Variants in SCN2A observed in about 807,000 individuals in gnomAD.
SCN2A encodes sodium voltage-gated channel alpha subunit 2, also known as sodium channel protein type 2 subunit alpha.
In SCN2A, 20 loss-of-function variants were observed where a neutral mutation model predicts 188.7. The observed-to-expected ratio is 0.11, with a 90% confidence interval of 0.07 to 0.15. SCN2A has a LOEUF of 0.15. Among genes scored for constraint, SCN2A ranks in the 10% least tolerant of loss-of-function variants. The pLI is 1.00. For synonymous variants in SCN2A, 804 were observed against 833.1 expected, an observed-to-expected ratio of 0.97 and a Z score of 0.60; for missense variants, 1,278 against 2,445.0, an observed-to-expected ratio of 0.52 and a Z score of 10.07.
intron 23 of SCN2A, among the ~76,000 whole-genome samples, chr2:165,379,785 G>C (rs566694896): frequency 6.6e-6 from 1 of 151,656 alleles, no homozygotes; most frequent in South Asian, 2.1e-4. Flanking sequence ...TAACACAGTG[G>C]GTTATAACTT....
chr2:165,245,766 A>T (rs183618969), intron 1 of SCN2A, among the ~76,000 whole-genome samples: 1 of 152,326 alleles, frequency 6.6e-6, no homozygotes, highest in African/African-American at 2.4e-5. Flanking sequence ...GTAAACTGGG[A>T]TGCACAGTCA....
At chr2:165,283,311 G>A (rs558267069) in intron 1 of SCN2A, among the ~76,000 whole-genome samples, 16 of 152,330 alleles carry the variant, frequency 1.1e-4, no homozygotes, top group Non-Finnish European at 2.2e-4. Context: ...TTGGGAATAT[G>A]TGATAGGATC....
chr2:165,328,621 A>G (rs1698494256), intron 13 of SCN2A: 1 of 512,802 alleles, frequency 2.0e-6, no homozygotes, highest in East Asian at 1.5e-4. Flanking sequence ...AAAAACCTCA[A>G]ATATCCACAA....
intron 23 of SCN2A, among the ~76,000 whole-genome samples, chr2:165,379,525 G>A (rs1009313313): frequency 1.3e-5 from 2 of 151,644 alleles, no homozygotes; most frequent in African/African-American, 4.8e-5. Context: ...TTGTAGCAAT[G>A]TCCTGGGTTA....
At chr2:165,262,608 G>A (rs769872755) in intron 1 of SCN2A, among the ~76,000 whole-genome samples, 1 of 151,762 alleles carries the variant, frequency 6.6e-6, no homozygotes, top group Non-Finnish European at 1.5e-5. Context: ...AATTATATAT[G>A]TATATACACA....
intron 1 of SCN2A, among the ~76,000 whole-genome samples, chr2:165,258,624 A>G (rs1458355049): frequency 2.0e-5 from 3 of 152,250 alleles, no homozygotes; most frequent in Middle Eastern, 3.2e-3. Flanking sequence ...CCATAAAGAC[A>G]CATGCACACC....
Position 165,253,624 on chromosome 2 carries a change from GGCCCACAAA to G in SCN2A, c.-52+13988_-52+13996del, listed in dbSNP as rs1418469126. On this transcript the variant is annotated intron_variant, in intron 1 of 26. Coordinates refer to ENST00000375437, the MANE Select transcript of SCN2A (RefSeq NM_001040142.2). ...TGTATACTTGCAACAGAGACAATAT[GGCCCACAAA>G]GCCAAAATTATTTACTAAATCATCC... Among the ~76,000 whole-genome samples the G allele has an allele frequency of 1.3e-4, 19 of 151,952 alleles. No individual in the cohort carries two copies. In the South Asian group the frequency reaches 3.9e-3, roughly 32 times the overall value.
At chr2:165,326,418 A>T (rs568801979) in intron 12 of SCN2A, among the ~76,000 whole-genome samples, 2 of 152,342 alleles carry the variant, frequency 1.3e-5, no homozygotes, top group South Asian at 4.1e-4. Context: ...ACTGTTACTG[A>T]TGCATATGAA....
At chr2:165,262,785 C>G (rs1201818298) in intron 1 of SCN2A, among the ~76,000 whole-genome samples, 2 of 152,128 alleles carry the variant, frequency 1.3e-5, no homozygotes, top group Non-Finnish European at 2.9e-5. Context: ...ATTGCTGGAT[C>G]AAATGGTAAT....
At chr2:165,303,842 A>G (rs1157308237) in intron 3 of SCN2A, among the ~76,000 whole-genome samples, 4 of 152,202 alleles carry the variant, frequency 2.6e-5, no homozygotes, top group Admixed American at 2.0e-4. Context: ...AATGATAGCC[A>G]TGAAATAAGG....
Position 165,319,198 on chromosome 2 carries a change from G to A in SCN2A, c.1671+3440G>A, listed in dbSNP as rs189694630. On this transcript the variant is annotated intron_variant, in intron 11 of 26. Transcript: ENST00000375437. ...AAAAAATACAAAAAATTAGCCAGGCGTGGTGGCAGGTGCCTGTAGTCCCAG... is the reference window on the plus strand; with the variant it reads ...AAAAAATACAAAAAATTAGCCAGGCATGGTGGCAGGTGCCTGTAGTCCCAG... Among the ~76,000 whole-genome samples the A allele has an allele frequency of 9.9e-5, 15 of 152,198 alleles. 1 individual carries two copies. The highest frequency in any genetic ancestry group is 2.1e-4 in the South Asian group (1 of 4,822).
In SCN2A at chr2:165,250,448, AATAATT is replaced by A. The variant is rs1338761681; in HGVS notation, c.-52+10815_-52+10820del. Among the ~76,000 whole-genome samples, 77 of 151,726 alleles carry A rather than the reference AATAATT, an allele frequency of 5.1e-4. 2 individuals are homozygous for A. The highest frequency in any genetic ancestry group is 5.0e-3 in the Admixed American group (76 of 15,154). On this transcript the variant is annotated intron_variant, in intron 1 of 26. Transcript: ENST00000375437. ...AGAAAATTTTAACAGAAATGTAAAT[AATAATT>A]ATAATTTAGGGAAACGGTGCCCTCT...
In SCN2A at chr2:165,340,256, T is replaced by G. The variant is rs539054200; in HGVS notation, c.2389-2040T>G. On this transcript the variant is annotated intron_variant, in intron 14 of 26. Transcript: ENST00000375437. ...AATTTATTGGAAAACAGACAAAAAG[T>G]GCTATCTATTATTTAAATGTCCATG... 3.3e-5 allele frequency among the ~76,000 whole-genome samples: 5 copies of G among 152,262 alleles called. No homozygotes were observed. In the East Asian group the frequency reaches 9.6e-4, roughly 29 times the overall value.
intron 16 of SCN2A, among the ~76,000 whole-genome samples, chr2:165,346,990 G>A (rs955202949): frequency 2.0e-5 from 3 of 152,180 alleles, no homozygotes; most frequent in Non-Finnish European, 2.9e-5. Flanking sequence ...TTACATTGTT[G>A]GTGGGAGTGT....
intron 21 of SCN2A, 123 bp downstream of exon 21, chr2:165,373,470 T>G: frequency 9.0e-7 from 1 of 1,105,334 alleles, no homozygotes; most frequent in Non-Finnish European, 1.3e-6. Flanking sequence ...ACATAGCTAA[T>G]CAATCAAAAA....
At chr2:165,366,927 T>G (rs1700761235) in intron 18 of SCN2A, among the ~76,000 whole-genome samples, 1 of 152,120 alleles carries the variant, frequency 6.6e-6, no homozygotes, top group Admixed American at 6.5e-5. Context: ...AAATACCAAC[T>G]TTTGGTAAGT....
At chr2:165,281,276 G>A (rs970229800) in intron 1 of SCN2A, among the ~76,000 whole-genome samples, 2 of 152,038 alleles carry the variant, frequency 1.3e-5, no homozygotes, top group African/African-American at 4.8e-5. Context: ...GGAAGGAGAT[G>A]TGGTTAGAGT....
At chr2:165,336,127 A>T (rs1371072110) in intron 14 of SCN2A, among the ~76,000 whole-genome samples, 1 of 151,876 alleles carries the variant, frequency 6.6e-6, no homozygotes, top group African/African-American at 2.4e-5. Context: ...TGGAAAAATT[A>T]GAATGGTTAT....
chr2:165,281,272 A>T (rs769774565), intron 1 of SCN2A, among the ~76,000 whole-genome samples: 3 of 151,894 alleles, frequency 2.0e-5, no homozygotes, highest in Non-Finnish European at 4.4e-5. Flanking sequence ...ATAAGGAAGG[A>T]GATGTGGTTA....
Sources: allele counts gnomAD v4.1 joint callset (sites outside exome capture counted in the v4.1 genomes callset), GRCh38; gene constraint gnomAD v4.1.1; transcripts MANE v1.5; gene names NCBI Gene and HGNC (gene_info 2026-07-23, HGNC 2026-07-21).